TFDP2: variants seen among roughly 807,000 people sequenced by gnomAD.
TFDP2 encodes the protein transcription factor Dp-2 (E2F dimerization partner 2).
Under a neutral mutation model 59.3 loss-of-function variants are expected in TFDP2, and 17 were observed. That is an observed-to-expected ratio of 0.29 (90% CI 0.20 to 0.43). The LOEUF is 0.43. TFDP2 is among the 20% of genes least tolerant of loss of function. TFDP2 has a pLI of 1.00. For synonymous variants in TFDP2, 180 were observed against 194.7 expected (o/e 0.92, Z 0.63); for missense variants, 391 against 528.8 (o/e 0.74, Z 2.56).
chr3:141,953,057 G>T, intron 11 of TFDP2, 41 bp from the exon 12 acceptor site: 1 of 1,415,236 alleles, frequency 7.1e-7, no homozygotes, highest in Non-Finnish European at 1.0e-6. Flanking sequence ...GGTCCTGCAA[G>T]TTCTGTGGCT....
intron 1 of TFDP2, among the ~76,000 whole-genome samples, chr3:142,102,795 C>T (rs956959537): frequency 2.0e-5 from 3 of 152,068 alleles, no homozygotes; most frequent in Non-Finnish European, 4.4e-5. Context: ...GTACGTTTGC[C>T]CAATATGCAA....
intron 1 of TFDP2, among the ~76,000 whole-genome samples, chr3:142,113,253 T>TTTTA (rs1553808994): frequency 5.6e-4 from 85 of 152,128 alleles, no homozygotes; most frequent in African/African-American, 1.9e-3. Flanking sequence ...GACATTTATT[T>TTTTA]TTTATTTATT....
chr3:142,052,952 G>C (rs1947715912), intron 3 of TFDP2, among the ~76,000 whole-genome samples: 1 of 151,968 alleles, frequency 6.6e-6, no homozygotes, highest in African/African-American at 2.4e-5. Context: ...TGGGACTACA[G>C]GCACCTGCCA....
intron 3 of TFDP2, among the ~76,000 whole-genome samples, chr3:142,075,734 GAAA>G (rs530375441): frequency 2.9e-4 from 13 of 45,534 alleles, no homozygotes; most frequent in Non-Finnish European, 2.8e-4. Context: ...TGTCTCTACA[GAAA>G]AAAAAAAAAA....
chr3:141,970,775 T>C (rs11569246), intron 8 of TFDP2, among the ~76,000 whole-genome samples: 11,347 of 152,210 alleles, frequency 0.075, 526 homozygotes, highest in Non-Finnish European at 0.11. Flanking sequence ...TCACACATCA[T>C]GGTAGGCTGG....
At chr3:141,958,064 G>A (rs1433262915) in intron 11 of TFDP2, among the ~76,000 whole-genome samples, 7 of 152,068 alleles carry the variant, frequency 4.6e-5, no homozygotes, top group Admixed American at 4.6e-4. Context: ...GCTGGGGAAC[G>A]TGTAATTTGG....
At chr3:142,140,082 G>C (rs148819163) in intron 1 of TFDP2, among the ~76,000 whole-genome samples, 1 of 151,586 alleles carries the variant, frequency 6.6e-6, no homozygotes, top group Non-Finnish European at 1.5e-5. Flanking sequence ...CTCTTTTTTC[G>C]CTAAACTTGT....
chr3:142,002,318 T>TTG (rs1491347706), intron 4 of TFDP2, among the ~76,000 whole-genome samples: 33 of 48,446 alleles, frequency 6.8e-4, no homozygotes, highest in African/African-American at 5.7e-3. Flanking sequence ...ATTTTTAGTG[T>TTG]TTTTTTTTTT....
At chr3:142,137,148 T>C (rs1264587718) in intron 1 of TFDP2, among the ~76,000 whole-genome samples, 1 of 151,008 alleles carries the variant, frequency 6.6e-6, no homozygotes, top group Non-Finnish European at 1.5e-5. Flanking sequence ...TTTGTACCAA[T>C]AGTGATTGGG....
At chr3:142,030,418 AAAG>A (rs1156549967) in intron 3 of TFDP2, among the ~76,000 whole-genome samples, 1 of 152,234 alleles carries the variant, frequency 6.6e-6, no homozygotes, top group Non-Finnish European at 1.5e-5. Flanking sequence ...TTGAAAGAAA[AAAG>A]AAACTTGGAA....
rs11569170 is a variant in TFDP2 at position 142,028,852 on chromosome 3, C to T, written c.83-23308G>A. 2.0e-3 allele frequency: 561 copies of T among 284,410 alleles called. 2 individuals carry two copies. The highest frequency in any genetic ancestry group is 0.012 in the African/African-American group (547 of 43,838). 17.6% of individuals were successfully genotyped at this position (284,410 alleles called of 1,614,324 possible). A position where few individuals can be genotyped will look rare whatever the true frequency, so the allele number is the denominator to read the frequency against. On this transcript the variant is annotated intron_variant, in intron 3 of 12. Coordinates refer to ENST00000489671, the MANE Select transcript of TFDP2 (RefSeq NM_001178139.2). The stretch of plus-strand genomic sequence containing the variant: ...GATGAAGGGGCTTTTCTATGTAGAA[C>T]CTTGTTTTCTTATTAAATTAAAAGG...
chr3:142,030,835 C>CG (rs1404408367), intron 3 of TFDP2, among the ~76,000 whole-genome samples: 1 of 150,330 alleles, frequency 6.7e-6, no homozygotes, highest in Non-Finnish European at 1.5e-5. Flanking sequence ...CTCCGCCTCC[C>CG]GGGTTCACGC....
intron 3 of TFDP2, chr3:142,043,942 T>C (rs1947172912): frequency 3.8e-6 from 3 of 796,128 alleles, no homozygotes; most frequent in Non-Finnish European, 6.8e-6. Flanking sequence ...CATTCGCGCA[T>C]TGGCTGTACC....
chr3:142,120,222 C>T (rs2061999500), intron 1 of TFDP2, among the ~76,000 whole-genome samples: 1 of 151,384 alleles, frequency 6.6e-6, no homozygotes, highest in Admixed American at 6.6e-5. Context: ...ATTAGCTGGG[C>T]TTGGTGGTGG....
chr3:142,043,789 A>C (rs1035540429), intron 3 of TFDP2: 2 of 1,596,872 alleles, frequency 1.3e-6, no homozygotes, highest in East Asian at 4.5e-5. Context: ...CAGCTTGTGG[A>C]TGTGCTCCAT....
rs553398902 is a variant in TFDP2, at chr3:142,005,047, AT to A, written c.186+393del. ...ACTCAGATAACTGAAATTAACTATA[AT>A]TTTTTCTTTTTCTTTTTGAGACAGG... is the stretch of plus-strand genomic sequence containing the variant. On this transcript the variant is annotated intron_variant, in intron 4 of 12. Transcript: ENST00000489671. Among the ~76,000 whole-genome samples the A allele has an allele frequency of 2.8e-4, 43 of 152,262 alleles. No homozygotes were observed. The South Asian group carries it at 7.5e-3, about 26-fold the overall frequency.
At chr3:142,061,734 T>C (rs1235661349) in intron 3 of TFDP2, among the ~76,000 whole-genome samples, 5 of 152,102 alleles carry the variant, frequency 3.3e-5, no homozygotes, top group Non-Finnish European at 7.4e-5. Context: ...CTTGTGCCAC[T>C]GGCTCCCGTG....
intron 3 of TFDP2, among the ~76,000 whole-genome samples, chr3:142,065,425 G>C (rs1576885330): frequency 6.6e-6 from 1 of 152,032 alleles, no homozygotes; most frequent in Admixed American, 6.6e-5. Flanking sequence ...CAAAGTGCTG[G>C]AATTACAGGC....
intron 3 of TFDP2, among the ~76,000 whole-genome samples, chr3:142,052,482 T>A (rs1227925719): frequency 6.6e-6 from 1 of 152,068 alleles, no homozygotes; most frequent in Non-Finnish European, 1.5e-5. Context: ...GAGACGGAGC[T>A]TGCAGTGAGT....
Sources: allele counts gnomAD v4.1 joint callset (sites outside exome capture counted in the v4.1 genomes callset), GRCh38; gene constraint gnomAD v4.1.1; transcripts MANE v1.5; gene names NCBI Gene and HGNC (gene_info 2026-07-23, HGNC 2026-07-21).